The following RSBN1L variants were observed in gnomAD, a reference collection of about 807,000 sequenced individuals.
The protein encoded by RSBN1L is lysine-specific demethylase RSBN1L.
In RSBN1L, 30 loss-of-function variants were observed where a neutral mutation model predicts 67.7. The observed-to-expected ratio is 0.44, with a 90% CI of 0.33 to 0.60. The LOEUF (loss-of-function observed/expected upper bound fraction) is 0.60, where lower values mean the gene tolerates loss of function less well. Among genes scored for constraint, RSBN1L ranks in the 20% least tolerant of loss-of-function variants. RSBN1L has a pLI of 0.02. For synonymous variants in RSBN1L, 433 were observed against 387.0 expected (o/e 1.12, Z -1.39); for missense variants, 992 against 1,031.7 (o/e 0.96, Z 0.53).
At chr7:77,763,715 C>T (rs947385528) in intron 3 of RSBN1L, among the ~76,000 whole-genome samples, 2 of 152,164 alleles carry the variant, frequency 1.3e-5, no homozygotes, top group African/African-American at 4.8e-5. Context: ...TTTTTTGAGA[C>T]AGGATCTCGC....
intron 4 of RSBN1L, among the ~76,000 whole-genome samples, chr7:77,766,734 G>C (rs1379410449): frequency 6.6e-6 from 1 of 151,972 alleles, no homozygotes; most frequent in Admixed American, 6.6e-5. Context: ...ATAATCTATA[G>C]GACATCTCTT....
rs767839466 is a variant in RSBN1L, at chr7:77,696,822, C to T, written c.353C>T (p.Ala118Val). 4 of 1,613,658 alleles carry T rather than the reference C, an allele frequency of 2.5e-6. No individual in the cohort carries two copies. The highest frequency in any genetic ancestry group is 3.3e-5 in the Admixed American group (2 of 60,034). Residue 118 changes from alanine to valine, a missense_variant, in exon 1 of 8, where the codon GCT (alanine) becomes GTT (valine). Ala to Val is a moderately conservative substitution (Grantham distance 64). Transcript: ENST00000334955. ...AGTAVPSSAS[A>V]SLSQPVPRKL... ...ACGGCCGTTCCCTCCTCAGCCTCCG[C>T]TTCCTTGTCTCAGCCGGTGCCGCGC...
At chr7:77,774,199 A>T (rs1010984677) in intron 6 of RSBN1L, among the ~76,000 whole-genome samples, 2 of 152,218 alleles carry the variant, frequency 1.3e-5, no homozygotes, top group African/African-American at 4.8e-5. Context: ...CAGATTAAAA[A>T]ATAGATTATT....
At chr7:77,756,465 A>T (rs1162123062) in intron 3 of RSBN1L, among the ~76,000 whole-genome samples, 4 of 152,104 alleles carry the variant, frequency 2.6e-5, no homozygotes. Context: ...TAGTTTGGAA[A>T]ATACATTTAG....
chr7:77,710,951 A>C (rs891895169), intron 1 of RSBN1L, among the ~76,000 whole-genome samples: 6 of 152,166 alleles, frequency 3.9e-5, no homozygotes, highest in Non-Finnish European at 5.9e-5. Context: ...GTTCTGTGAA[A>C]GCTGGGTCTG....
intron 2 of RSBN1L, among the ~76,000 whole-genome samples, chr7:77,745,087 C>T (rs1366875445): frequency 6.6e-6 from 1 of 152,004 alleles, no homozygotes; most frequent in African/African-American, 2.4e-5. Context: ...CATGGTGAAA[C>T]CCTGTCTCTA....
Position 77,776,725 on chromosome 7 carries a change from G to T in RSBN1L, c.1794-1613G>T, listed in dbSNP as rs1324532968. Among the ~76,000 whole-genome samples the T allele has an allele frequency of 5.4e-5, 8 of 147,530 alleles. No individual in the cohort carries two copies. In the South Asian group the frequency reaches 1.7e-3, roughly 31 times the overall value. On this transcript the variant is annotated intron_variant, in intron 6 of 7. Transcript: ENST00000334955. ...AAACTTTGTTAATATAGCCAATTCA[G>T]CCTTCTTCTTATTTGTATTTACATG...
chr7:77,735,351 A>G (rs1402731371), intron 1 of RSBN1L, among the ~76,000 whole-genome samples: 2 of 152,206 alleles, frequency 1.3e-5, no homozygotes, highest in Admixed American at 6.5e-5. Flanking sequence ...ATTTAAAAAT[A>G]TCAGTTCCAT....
chr7:77,731,365 A>G (rs906206211), intron 1 of RSBN1L, among the ~76,000 whole-genome samples: 2 of 152,138 alleles, frequency 1.3e-5, no homozygotes, highest in Non-Finnish European at 2.9e-5. Flanking sequence ...CCTCCCGAGT[A>G]GCTGGGACTA....
intron 6 of RSBN1L, 93 bp downstream of exon 6, chr7:77,773,407 A>G (rs2150434249): frequency 1.1e-6 from 1 of 909,606 alleles, no homozygotes; most frequent in Non-Finnish European, 1.6e-6. Flanking sequence ...ACTGTGGGAA[A>G]AAAGTTTCAT....
intron 1 of RSBN1L, among the ~76,000 whole-genome samples, chr7:77,698,196 T>C (rs1790766848): frequency 6.6e-6 from 1 of 152,242 alleles, no homozygotes; most frequent in Non-Finnish European, 1.5e-5. Flanking sequence ...CTTGATATTT[T>C]TTGCCTGTAG....
At chr7:77,728,507 C>T (rs949725869) in intron 1 of RSBN1L, among the ~76,000 whole-genome samples, 8 of 152,110 alleles carry the variant, frequency 5.3e-5, no homozygotes, top group African/African-American at 1.4e-4. Context: ...TATAGGTTCA[C>T]GCCCAGAAGA....
In RSBN1L at chr7:77,779,126, A is replaced by G; in HGVS notation, c.2499A>G (p.Ala833=). 6.2e-7 allele frequency: 1 copy of G among 1,603,476 alleles called. No homozygotes were observed. Among genetic ancestry groups the G allele is most frequent in the Non-Finnish European group, 8.5e-7 (1 of 1,176,368 alleles). Residue 833 remains alanine, a synonymous_variant, in exon 8 of 8, where the codon GCA becomes GCG. Transcript: ENST00000334955. ...TTGATACAAGGCAACACAGTTCAGCACATTCAAATCAAGATAAAAAAGACG... is the reference window on the plus strand; with the variant it reads ...TTGATACAAGGCAACACAGTTCAGCGCATTCAAATCAAGATAAAAAAGACG... ...SLVDTRQHSS[A]HSNQDKKDDD...
chr7:77,734,650 G>C (rs546388240), intron 1 of RSBN1L, among the ~76,000 whole-genome samples: 1 of 151,916 alleles, frequency 6.6e-6, no homozygotes, highest in Non-Finnish European at 1.5e-5. Context: ...CACCACATCC[G>C]GCTAATTTTT....
At chr7:77,701,009 T>G (rs1790808255) in intron 1 of RSBN1L, among the ~76,000 whole-genome samples, 1 of 151,906 alleles carries the variant, frequency 6.6e-6, no homozygotes, top group African/African-American at 2.4e-5. Flanking sequence ...ATACAAAAAA[T>G]TAGCCGGGTG....
chr7:77,696,816 C>T lies in RSBN1L; in HGVS notation c.347C>T (p.Ala116Val), dbSNP rs1362985306. Reference protein sequence around the residue: ...FSAGTAVPSSASASLSQPVPR... With the variant: ...FSAGTAVPSSVSASLSQPVPR... ...GCTGGCACGGCCGTTCCCTCCTCAG[C>T]CTCCGCTTCCTTGTCTCAGCCGGTG... is the stretch of plus-strand genomic sequence containing the variant. The change falls in exon 1 of 8, where the codon GCC becomes GTC. Residue 116 changes from alanine to valine, a missense_variant. By Grantham distance (64) the Ala-to-Val change is moderately conservative. This residue lies in a region of RSBN1L where 575 missense variants were observed against 483.2 expected (regional missense o/e 1.19). Coordinates refer to ENST00000334955, the MANE Select transcript of RSBN1L (RefSeq NM_198467.3). The T allele has an allele frequency of 2.5e-6, 4 of 1,613,680 alleles. No homozygotes were observed. Among genetic ancestry groups the T allele is most frequent in the East Asian group, 2.2e-5 (1 of 44,878 alleles).
At chr7:77,763,783 G>C (rs1791727058) in intron 3 of RSBN1L, among the ~76,000 whole-genome samples, 1 of 152,102 alleles carries the variant, frequency 6.6e-6, no homozygotes, top group Non-Finnish European at 1.5e-5. Context: ...GCCTGGACCT[G>C]CCAGGCTGGA....
In RSBN1L at chr7:77,777,862, T is replaced by G. The variant is rs543835549; in HGVS notation, c.1794-476T>G. Among the ~76,000 whole-genome samples, 4 of 152,234 alleles carry G rather than the reference T, an allele frequency of 2.6e-5. No homozygotes were observed. In the South Asian group the frequency reaches 8.3e-4, roughly 32 times the overall value. ...ACCAAGTTTATTGTATTAGTACTTT[T>G]CCAATGAAGTCTCTTAATTTATAAA... On this transcript the variant is annotated intron_variant, in intron 6 of 7. Coordinates refer to ENST00000334955, the MANE Select transcript of RSBN1L (RefSeq NM_198467.3).
intron 1 of RSBN1L, among the ~76,000 whole-genome samples, chr7:77,709,152 T>TTG (rs67322019): frequency 4.6e-4 from 66 of 142,464 alleles, no homozygotes; most frequent in Middle Eastern, 7.3e-3. Flanking sequence ...GGGATTCTGT[T>TTG]TGTGTGTGTG....
Sources: allele counts gnomAD v4.1 joint callset (sites outside exome capture counted in the v4.1 genomes callset), GRCh38; gene constraint gnomAD v4.1.1; regional missense constraint gnomAD v4.1.1; transcripts MANE v1.5; gene names NCBI Gene and HGNC (gene_info 2026-07-23, HGNC 2026-07-21).